The following TNRC6C variants were observed in gnomAD, a reference collection of about 807,000 sequenced individuals.
TNRC6C encodes trinucleotide repeat-containing gene 6C protein.
A neutral mutation model predicts 153.7 loss-of-function variants in TNRC6C; 20 were observed. The observed-to-expected ratio is 0.13, with a 90% confidence interval of 0.09 to 0.19. The LOEUF is 0.19. TNRC6C is among the 10% of genes least tolerant of loss of function. TNRC6C has a pLI of 1.00. For synonymous variants in TNRC6C, 811 were observed against 841.4 expected (o/e 0.96, Z 0.63); for missense variants, 1,987 against 2,172.0 (o/e 0.91, Z 1.69).
At chr17:78,000,072 G>A (rs569047334), upstream of TNRC6C, among the ~76,000 whole-genome samples, 26 of 152,204 alleles carry the variant, frequency 1.7e-4, no homozygotes, top group Non-Finnish European at 3.5e-4. Flanking sequence ...GAGCCATTTG[G>A]CAATGAGTCG....
chr17:78,033,243 T>C (rs2072109786), intron 2 of TNRC6C, among the ~76,000 whole-genome samples: 1 of 152,274 alleles, frequency 6.6e-6, no homozygotes. Context: ...TACTGGTATC[T>C]TCTTAGATAA....
chr17:78,020,443 G>T (rs1034737259), intron 1 of TNRC6C, among the ~76,000 whole-genome samples: 21 of 152,276 alleles, frequency 1.4e-4, no homozygotes, highest in Admixed American at 1.2e-3. Flanking sequence ...AAAAGCTTGT[G>T]ATCTGTCACA....
intron 13 of TNRC6C, among the ~76,000 whole-genome samples, chr17:78,087,493 TCAGTATAAAACCTTTAAAGGTAGTA>T (rs2073317281): frequency 6.6e-6 from 1 of 151,946 alleles, no homozygotes; most frequent in Non-Finnish European, 1.5e-5. Flanking sequence ...AATAATACTC[TCAGTATAAAACCTTTAAAGGTAGTA>T]CCAGTCAGAG....
intron 11 of TNRC6C, among the ~76,000 whole-genome samples, chr17:78,084,529 T>C (rs2073242776): frequency 6.6e-6 from 1 of 151,780 alleles, no homozygotes. Context: ...ACACATGCTA[T>C]GTGTCCTCGC....
chr17:77,987,673 GTTGT>G lies in TNRC6C; in HGVS notation c.-37-16486_-37-16483del, dbSNP rs1427075507. On this transcript the variant is annotated intron_variant, in intron 1 of 22. Transcript: ENST00000636222. The stretch of plus-strand genomic sequence containing the variant: ...CAAATTGTATTTGTGGAGTTTTTTT[GTTGT>G]TTGTTTGTTTTTTGGAGACAGAGTC... Among the ~76,000 whole-genome samples, 32 of 152,134 alleles carry G rather than the reference GTTGT, an allele frequency of 2.1e-4. No individual in the cohort carries two copies. In the East Asian group the frequency reaches 4.5e-3, roughly 21 times the overall value.
intron 1 of TNRC6C, among the ~76,000 whole-genome samples, chr17:77,972,579 A>G (rs2070948068): frequency 6.6e-6 from 1 of 152,182 alleles, no homozygotes; most frequent in Non-Finnish European, 1.5e-5. Flanking sequence ...GGTAGGTACC[A>G]TAAACAACTT....
At chr17:78,053,393 G>A (rs2072577870) in intron 3 of TNRC6C, among the ~76,000 whole-genome samples, 1 of 152,144 alleles carries the variant, frequency 6.6e-6, no homozygotes, top group African/African-American at 2.4e-5. Context: ...ACTTTGGGAG[G>A]CCAAGGCGGG....
intron 17 of TNRC6C, 78 bp from the exon 21 acceptor site, chr17:78,102,396 G>A (rs1455318354): frequency 1.5e-6 from 2 of 1,349,316 alleles, no homozygotes; most frequent in Non-Finnish European, 2.1e-6. Context: ...CCACACTTCA[G>A]CACAATAAGA....
chr17:78,006,571 TCTTC>T (rs1217019289), intron 1 of TNRC6C, among the ~76,000 whole-genome samples: 1 of 147,288 alleles, frequency 6.8e-6, no homozygotes, highest in East Asian at 2.0e-4. Context: ...CCTTCTTCCT[TCTTC>T]CTTCTTCTTC....
intron 1 of TNRC6C, among the ~76,000 whole-genome samples, chr17:77,994,735 A>G (rs564103903): frequency 2.6e-5 from 4 of 152,240 alleles, no homozygotes; most frequent in East Asian, 1.9e-4. Context: ...CAGAAATACC[A>G]TGAAGTTTAA....
intron 1 of TNRC6C, among the ~76,000 whole-genome samples, chr17:78,010,325 G>A (rs1272381857): frequency 6.6e-6 from 1 of 152,208 alleles, no homozygotes; most frequent in Non-Finnish European, 1.5e-5. Context: ...GTCAGTTGAA[G>A]CCATAGTCTT....
At chr17:78,051,220 C>G in exon 3 of TNRC6C, 1 of 1,565,256 alleles carries the variant, frequency 6.4e-7, no homozygotes, top group Non-Finnish European at 8.7e-7. Context: ...GTCCATTCGC[C>G]GCAAAATGGA....
intron 1 of TNRC6C, among the ~76,000 whole-genome samples, chr17:77,979,839 A>G (rs1480763651): frequency 6.6e-6 from 1 of 152,242 alleles, no homozygotes; most frequent in East Asian, 1.9e-4. Flanking sequence ...AAGATACATT[A>G]CCTTCAAAGG....
intron 3 of TNRC6C, among the ~76,000 whole-genome samples, chr17:78,063,248 A>T (rs1003586394): frequency 6.8e-6 from 1 of 146,932 alleles, no homozygotes; most frequent in African/African-American, 2.5e-5. Context: ...CTGTCTCCAA[A>T]ATATATATAT....
intron 1 of TNRC6C, among the ~76,000 whole-genome samples, chr17:78,029,388 G>C (rs1347033358): frequency 6.6e-6 from 1 of 152,208 alleles, no homozygotes; most frequent in Non-Finnish European, 1.5e-5. Flanking sequence ...TTACTATACT[G>C]AATACTGTAG....
chr17:78,099,551 TACTC>T (rs771666347), intron 17 of TNRC6C, among the ~76,000 whole-genome samples: 3 of 152,170 alleles, frequency 2.0e-5, no homozygotes, highest in South Asian at 2.1e-4. Flanking sequence ...TCATGAGACT[TACTC>T]ACTATCACGA....
Position 77,980,248 on chromosome 17 carries a change from A to G in TNRC6C, c.-38+20980A>G, listed in dbSNP as rs535434630. 5.3e-5 allele frequency among the ~76,000 whole-genome samples: 8 copies of G among 152,358 alleles called. No individual in the cohort carries two copies. The South Asian group carries it at 1.7e-3, about 32-fold the overall frequency. ...GCACACGTTTACCTGTGTAACCTGCACATCCTGCGCATGTACCTGGAACTT... is the reference window on the plus strand; with the variant it reads ...GCACACGTTTACCTGTGTAACCTGCGCATCCTGCGCATGTACCTGGAACTT... On this transcript the variant is annotated intron_variant, in intron 1 of 22. Transcript: ENST00000636222.
intron 12 of TNRC6C, 67 bp from the exon 15 acceptor site, chr17:78,086,786 T>TG (rs2073299194): frequency 6.3e-7 from 1 of 1,586,960 alleles, no homozygotes; most frequent in Non-Finnish European, 8.6e-7. Flanking sequence ...AGAATGCATT[T>TG]GGTCCCTAGA....
At chr17:78,062,812 C>T (rs2072794677) in intron 3 of TNRC6C, among the ~76,000 whole-genome samples, 2 of 152,082 alleles carry the variant, frequency 1.3e-5, no homozygotes. Flanking sequence ...ATTAGGGTTA[C>T]CAAAAGTATA....
Sources: gnomAD v4.1 joint callset for allele counts (sites outside exome capture counted in the v4.1 genomes callset) on GRCh38, gnomAD v4.1.1 for gene constraint, MANE v1.5 for transcripts, NCBI Gene and HGNC (gene_info 2026-07-23, HGNC 2026-07-21) for gene names.